ZNF618: variants seen among roughly 807,000 people sequenced by gnomAD.
ZNF618 encodes the protein zinc finger protein 618, also known as neural precursor cell expressed, developmentally down-regulated 10.
Under a neutral mutation model 103.0 loss-of-function variants are expected in ZNF618, and 34 were observed. The ratio of observed to expected loss-of-function variants is 0.33; its 90% CI spans 0.25 to 0.44. ZNF618 has a LOEUF of 0.44. Ranked by LOEUF, ZNF618 falls within the 20% of genes least tolerant of loss-of-function variation. The pLI, the probability that ZNF618 is intolerant of heterozygous loss-of-function variation, is 1.00. For synonymous variants in ZNF618, 551 were observed against 542.2 expected, an observed-to-expected ratio of 1.02 and a Z score of -0.23; for missense variants, 1,059 against 1,295.4, an observed-to-expected ratio of 0.82 and a Z score of 2.80.
At chr9:114,018,519 AAGTTGAGTAAGGCCATGG>A (rs1842822131) in intron 10 of ZNF618, among the ~76,000 whole-genome samples, 1 of 152,218 alleles carries the variant, frequency 6.6e-6, no homozygotes, top group East Asian at 1.9e-4. Flanking sequence ...TTCCTGGGAC[AAGTTGAGTAAGGCCATGG>A]AGTTAGTAAG....
chr9:113,959,228 G>T (rs553339617), intron 1 of ZNF618, among the ~76,000 whole-genome samples: 2 of 152,014 alleles, frequency 1.3e-5, no homozygotes, highest in Non-Finnish European at 2.9e-5. Flanking sequence ...TGGAGGTTGC[G>T]GTGAGCCGAG....
At chr9:114,001,305 C>G (rs550810180) in intron 4 of ZNF618, among the ~76,000 whole-genome samples, 1 of 151,316 alleles carries the variant, frequency 6.6e-6, no homozygotes, top group Admixed American at 6.6e-5. Context: ...TACACCATGT[C>G]GGTCTCTGTG....
chr9:113,932,536 T>C (rs552663713), intron 1 of ZNF618, among the ~76,000 whole-genome samples: 2 of 152,142 alleles, frequency 1.3e-5, no homozygotes, highest in South Asian at 4.2e-4. Context: ...CCAGGTGAAA[T>C]GTGATGCTGG....
At chr9:113,876,466 G>A (rs1827942373) in intron 1 of ZNF618, 53 bp downstream of exon 1, 1 of 1,168,032 alleles carries the variant, frequency 8.6e-7, no homozygotes, top group Non-Finnish European at 1.1e-6. Context: ...GGGGGGCCGG[G>A]GCCCGGGGCG....
chr9:114,048,407 A>G (rs996256723), intron 14 of ZNF618, among the ~76,000 whole-genome samples: 2 of 152,222 alleles, frequency 1.3e-5, no homozygotes, highest in African/African-American at 2.4e-5. Context: ...ATAGACCGCA[A>G]TTATGTTGCA....
intron 1 of ZNF618, among the ~76,000 whole-genome samples, chr9:113,935,084 G>A (rs1417323796): frequency 6.6e-6 from 1 of 152,240 alleles, no homozygotes; most frequent in Non-Finnish European, 1.5e-5. Context: ...AGGGGTGAGA[G>A]GGACCTCAGT....
intron 1 of ZNF618, among the ~76,000 whole-genome samples, chr9:113,947,143 G>T (rs2132188960): frequency 6.6e-6 from 1 of 152,272 alleles, no homozygotes; most frequent in African/African-American, 2.4e-5. Flanking sequence ...TTTGCAGAAT[G>T]AAGCAATTTG....
At chr9:113,879,646 G>A (rs537020120) in intron 1 of ZNF618, among the ~76,000 whole-genome samples, 6 of 151,842 alleles carry the variant, frequency 4.0e-5, no homozygotes, top group African/African-American at 1.4e-4. Flanking sequence ...TAGATTATTG[G>A]GCAAAATATC....
At chr9:113,916,701 A>G (rs755557581) in intron 1 of ZNF618, among the ~76,000 whole-genome samples, 44 of 152,178 alleles carry the variant, frequency 2.9e-4, no homozygotes, top group Admixed American at 5.9e-4. Flanking sequence ...GAATGAGAAC[A>G]TGTCACCCAC....
At chr9:113,946,641 G>A (rs191479307) in intron 1 of ZNF618, among the ~76,000 whole-genome samples, 48 of 152,306 alleles carry the variant, frequency 3.2e-4, no homozygotes, top group African/African-American at 1.2e-3. Context: ...ATGTTAATCA[G>A]CATCACCGCT....
intron 11 of ZNF618, among the ~76,000 whole-genome samples, chr9:114,032,339 T>C (rs3860174): frequency 0.27 from 41,677 of 152,132 alleles, 7,513 homozygotes; most frequent in East Asian, 0.61. Flanking sequence ...GAGCCAAAGA[T>C]GGGAGACTCA....
At position 113,959,133 on chromosome 9, in the gene ZNF618, T is replaced by A. The variant is rs191709599; in HGVS notation, c.34-9984T>A. Among the ~76,000 whole-genome samples, 614 of 151,946 alleles carry A rather than the reference T, an allele frequency of 4.0e-3. 5 individuals carry two copies. Among genetic ancestry groups the A allele is most frequent in the African/African-American group, 0.014 (585 of 41,430 alleles). On this transcript the variant is annotated intron_variant, in intron 1 of 14. Coordinates refer to ENST00000374126, the MANE Select transcript of ZNF618 (RefSeq NM_001318042.2). ...GGTGAAACCTCGTCTCTACTAAAAA[T>A]ACAAAATTAGCCGGGCGTCGTGGCG... is the stretch of plus-strand genomic sequence containing the variant.
intron 1 of ZNF618, among the ~76,000 whole-genome samples, chr9:113,957,578 T>TCCAGACATG (rs1298908772): frequency 6.6e-6 from 1 of 152,086 alleles, no homozygotes; most frequent in Non-Finnish European, 1.5e-5. Flanking sequence ...GGTGAGGCCG[T>TCCAGACATG]CCAGACATGC....
intron 1 of ZNF618, among the ~76,000 whole-genome samples, chr9:113,942,106 A>AT (rs1041910235): frequency 3.9e-5 from 6 of 152,312 alleles, no homozygotes; most frequent in African/African-American, 1.4e-4. Flanking sequence ...TTTTTCTGTA[A>AT]TTCCTCGTGG....
intron 1 of ZNF618, among the ~76,000 whole-genome samples, chr9:113,946,861 A>G (rs943290939): frequency 1.5e-4 from 23 of 152,166 alleles, no homozygotes; most frequent in African/African-American, 5.3e-4. Flanking sequence ...TCCTGATGCC[A>G]TCTCTGCTAC....
chr9:113,967,813 G>A (rs924001478), intron 1 of ZNF618, among the ~76,000 whole-genome samples: 33 of 152,322 alleles, frequency 2.2e-4, no homozygotes, highest in African/African-American at 7.9e-4. Flanking sequence ...AGGCAAGAGT[G>A]GAGGATGGAG....
intron 2 of ZNF618, among the ~76,000 whole-genome samples, chr9:113,985,473 C>T (rs990418434): frequency 2.6e-5 from 4 of 152,250 alleles, no homozygotes; most frequent in Non-Finnish European, 5.9e-5. Context: ...GAACTTGAGA[C>T]TTCTTTGCCT....
chr9:113,929,708 A>G (rs1317962916), intron 1 of ZNF618, among the ~76,000 whole-genome samples: 1 of 152,188 alleles, frequency 6.6e-6, no homozygotes, highest in Non-Finnish European at 1.5e-5. Context: ...TCCCAGCTTT[A>G]TAGTGGGGAT....
At chr9:113,879,272 G>T (rs1225991786) in intron 1 of ZNF618, among the ~76,000 whole-genome samples, 1 of 151,782 alleles carries the variant, frequency 6.6e-6, no homozygotes, top group Non-Finnish European at 1.5e-5. Context: ...CCTTTGTGTG[G>T]CCTGGATCTC....
Sources: gnomAD v4.1 joint callset for allele counts (sites outside exome capture counted in the v4.1 genomes callset) on GRCh38, gnomAD v4.1.1 for gene constraint, MANE v1.5 for transcripts, NCBI Gene and HGNC (gene_info 2026-07-23, HGNC 2026-07-21) for gene names.